The following LMBRD2 variants were observed in gnomAD, a reference collection of about 807,000 sequenced individuals.
LMBRD2 encodes the protein LMBR1 domain containing 2.
Under a neutral mutation model 94.4 loss-of-function variants are expected in LMBRD2, and 55 were observed. The ratio of observed to expected loss-of-function variants is 0.58; its 90% CI spans 0.47 to 0.73. The LOEUF is 0.73. Ranked by LOEUF, LMBRD2 falls within the 30% of genes least tolerant of loss-of-function variation. The pLI, the probability that LMBRD2 is intolerant of heterozygous loss-of-function variation, is 0.00. For synonymous variants in LMBRD2, 246 were observed against 272.4 expected (o/e 0.90, Z 0.95); for missense variants, 640 against 831.9 (o/e 0.77, Z 2.84).
chr5:36,130,354 T>C (rs1257001585), intron 6 of LMBRD2, among the ~76,000 whole-genome samples: 1 of 152,146 alleles, frequency 6.6e-6, no homozygotes, highest in African/African-American at 2.4e-5. Context: ...TGTCAAGTTG[T>C]CATCAGTTTA....
At chr5:36,142,709 C>A in intron 2 of LMBRD2, 110 bp from the exon 3 acceptor site, 1 of 557,386 alleles carries the variant, frequency 1.8e-6, no homozygotes, top group Admixed American at 3.4e-5. Context: ...CTTGGCTATG[C>A]TTTATTCTTT....
chr5:36,142,707 T>C, intron 2 of LMBRD2, 108 bp from the exon 3 acceptor site: 2 of 602,544 alleles, frequency 3.3e-6, no homozygotes, highest in South Asian at 4.2e-5. Flanking sequence ...TTCTTGGCTA[T>C]GCTTTATTCT....
In LMBRD2 at chr5:36,103,837, GAT is replaced by G. The variant is rs1743402256; in HGVS notation, c.*207_*208del. Reference sequence around the variant, plus strand: ...TTTCTAAGGCAGATGCTTAGGAAATGATATGTAATAAATCTTGTTGAAAAAGG... The same window carrying G: ...TTTCTAAGGCAGATGCTTAGGAAATGATGTAATAAATCTTGTTGAAAAAGG... On this transcript the variant is annotated 3_prime_UTR_variant, in exon 18 of 18. Coordinates refer to ENST00000296603, the MANE Select transcript of LMBRD2 (RefSeq NM_001007527.2). 5.4e-6 allele frequency: 2 copies of G among 373,388 alleles called. No individual in the cohort carries two copies. Among genetic ancestry groups the G allele is most frequent in the Admixed American group, 4.2e-5 (1 of 23,650 alleles). The allele number at this position is 373,388 out of a possible 1,614,324, so 23.1% of individuals were successfully genotyped here.
rs374240216 is a variant in LMBRD2, at chr5:36,136,283, T to C, written c.747+26A>G. The C allele has an allele frequency of 4.8e-5, 77 of 1,604,826 alleles. 1 individual carries two copies. Among genetic ancestry groups the C allele is most frequent in the Non-Finnish European group, 5.8e-5 (68 of 1,171,714 alleles). On this transcript the variant is annotated intron_variant, in intron 6 of 17. Transcript: ENST00000296603. ...GGGATACATATGACTTAGTGACTAT[T>C]GCTTATAAGGTTCAAACTTGCTTAC...
chr5:36,140,625 C>T (rs1047938635), intron 4 of LMBRD2, among the ~76,000 whole-genome samples: 1 of 152,128 alleles, frequency 6.6e-6, no homozygotes. Flanking sequence ...CCTGTTTTAA[C>T]TGCTGGATGG....
chr5:36,120,073 T>C (rs974314616), intron 9 of LMBRD2, among the ~76,000 whole-genome samples: 4 of 151,984 alleles, frequency 2.6e-5, no homozygotes, highest in Non-Finnish European at 5.9e-5. Flanking sequence ...ATTTCTTTTT[T>C]TTTTTTGACG....
At chr5:36,142,825 C>T (rs564862260) in intron 2 of LMBRD2, 3 of 386,632 alleles carry the variant, frequency 7.8e-6, no homozygotes, top group East Asian at 1.0e-4. Context: ...CCCGGATTCA[C>T]GCCATTCTCC....
chr5:36,123,191 T>C (rs1056650692), intron 7 of LMBRD2, among the ~76,000 whole-genome samples: 16 of 152,172 alleles, frequency 1.1e-4, no homozygotes, highest in Non-Finnish European at 2.1e-4. Context: ...TGTTCATATA[T>C]ACCAGATAGG....
At chr5:36,116,657 C>T in intron 10 of LMBRD2, 64 bp from the exon 11 acceptor site, 1 of 1,458,682 alleles carries the variant, frequency 6.9e-7, no homozygotes, top group Non-Finnish European at 9.5e-7. Flanking sequence ...TTAACAATTA[C>T]AGGCATTATC....
chr5:36,129,466 T>C (rs1223866119), intron 6 of LMBRD2, among the ~76,000 whole-genome samples: 3 of 149,322 alleles, frequency 2.0e-5, no homozygotes, highest in Non-Finnish European at 3.0e-5. Flanking sequence ...ATATTTACAA[T>C]GCTGAAAGAA....
chr5:36,105,133 A>C lies in LMBRD2; in HGVS notation c.1962T>G (p.Asp654Glu). ...TERDRIELLQDAEPLDFNAET... is the reference protein window; with the variant it reads ...TERDRIELLQEAEPLDFNAET... Reference sequence around the variant, plus strand: ...CTGCATTAAAATCCAAAGGTTCTGCATCTTGGAGAAGTTCTATCCGGTCCC... The same window carrying C: ...CTGCATTAAAATCCAAAGGTTCTGCCTCTTGGAGAAGTTCTATCCGGTCCC... The change falls in exon 17 of 18, where the codon GAT becomes GAG. Residue 654 changes from aspartate (D) to glutamate (E), a missense_variant. Transcript: ENST00000296603. 1.2e-6 allele frequency: 2 copies of C among 1,612,778 alleles called. No individual in the cohort carries two copies. Among genetic ancestry groups the C allele is most frequent in the Non-Finnish European group, 1.7e-6 (2 of 1,179,028 alleles).
At chr5:36,127,951 C>T (rs1318710537) in intron 6 of LMBRD2, among the ~76,000 whole-genome samples, 2 of 152,174 alleles carry the variant, frequency 1.3e-5, no homozygotes, top group South Asian at 2.1e-4. Context: ...TTGGGCGAGA[C>T]ACAGTGCCAT....
At chr5:36,113,250 C>T (rs940938369) in intron 13 of LMBRD2, among the ~76,000 whole-genome samples, 7 of 152,096 alleles carry the variant, frequency 4.6e-5, no homozygotes, top group African/African-American at 7.2e-5. Context: ...TGTTCTGTTC[C>T]GATCTAATTA....
chr5:36,110,132 G>A lies in LMBRD2; in HGVS notation c.1745-141C>T. 4.8e-6 allele frequency: 3 copies of A among 626,890 alleles called. No homozygotes were observed. In the South Asian group the frequency reaches 7.7e-5, roughly 16 times the overall value. 38.8% of individuals were successfully genotyped at this position (626,890 alleles called of 1,614,324 possible). A position where few individuals can be genotyped will look rare whatever the true frequency, so the allele number is the denominator to read the frequency against. ...AAATGTTATAGGTTATTGCTGGAAG[G>A]AATTTGAGAGGTTACCTTACTCAGT... On this transcript the variant is annotated intron_variant, in intron 14 of 17. Coordinates refer to ENST00000296603, the MANE Select transcript of LMBRD2 (RefSeq NM_001007527.2).
At chr5:36,118,101 A>G (rs1743801256) in intron 9 of LMBRD2, among the ~76,000 whole-genome samples, 185 bp from the exon 10 acceptor site, 1 of 152,174 alleles carries the variant, frequency 6.6e-6, no homozygotes, top group African/African-American at 2.4e-5. Context: ...AACTGACATC[A>G]TGTGCCTCCT....
At chr5:36,142,807 C>T (rs1336710938) in intron 2 of LMBRD2, 2 of 403,798 alleles carry the variant, frequency 5.0e-6, no homozygotes, top group Non-Finnish European at 8.9e-6. Context: ...TTACTGCAAG[C>T]TCCGCCTCCC....
In LMBRD2 at chr5:36,143,021, G is replaced by A. The variant is rs554099051; in HGVS notation, c.174+155C>T. Among the ~76,000 whole-genome samples the A allele has an allele frequency of 2.0e-5, 3 of 152,182 alleles. No homozygotes were observed. In the East Asian group the frequency reaches 5.8e-4, roughly 29 times the overall value. ...ATTACAGGCGTGAGCCACCACGCCC[G>A]GCCCTTGGCTATGCTTTTTAATGAT... On this transcript the variant is annotated intron_variant, in intron 2 of 17. Transcript: ENST00000296603.
chr5:36,113,498 A>G (rs1743665710), intron 13 of LMBRD2, among the ~76,000 whole-genome samples: 1 of 152,122 alleles, frequency 6.6e-6, no homozygotes, highest in Admixed American at 6.6e-5. Context: ...ATTTGAAGTT[A>G]TAATCTTTTA....
At chr5:36,134,970 T>C (rs1281955373) in intron 6 of LMBRD2, among the ~76,000 whole-genome samples, 1 of 152,172 alleles carries the variant, frequency 6.6e-6, no homozygotes, top group Non-Finnish European at 1.5e-5. Flanking sequence ...TAATTAAGCA[T>C]ATGGTCATCA....
Sources: gnomAD v4.1 joint callset for allele counts (sites outside exome capture counted in the v4.1 genomes callset) on GRCh38, gnomAD v4.1.1 for gene constraint, MANE v1.5 for transcripts, NCBI Gene and HGNC (gene_info 2026-07-23, HGNC 2026-07-21) for gene names.